SATB2: variants seen among roughly 807,000 people sequenced by gnomAD.
SATB2 encodes the protein DNA-binding protein SATB2.
In SATB2, 1 loss-of-function variant was observed where a neutral mutation model predicts 73.4. The ratio of observed to expected loss-of-function variants is 0.01; its 90% CI spans 0.00 to 0.06. SATB2 has a LOEUF of 0.06. SATB2 is among the 10% of genes least tolerant of loss of function. SATB2 has a pLI of 1.00. For missense variants in SATB2, 459 were observed against 945.8 expected (o/e 0.49, Z 6.75); for synonymous variants, 397 against 367.0 (o/e 1.08, Z -0.93).
intron 9 of SATB2, among the ~76,000 whole-genome samples, chr2:199,309,598 G>A (rs1222090262): frequency 6.6e-6 from 1 of 152,196 alleles, no homozygotes; most frequent in Non-Finnish European, 1.5e-5. Flanking sequence ...ACCTGCAAAT[G>A]TCTGCTTCCA....
At chr2:199,402,435 G>A (rs898309843) in intron 3 of SATB2, among the ~76,000 whole-genome samples, 1 of 152,074 alleles carries the variant, frequency 6.6e-6, no homozygotes, top group South Asian at 2.1e-4. Flanking sequence ...GCAGGTACCT[G>A]TAGTCTCAGC....
chr2:199,323,131 A>C (rs1687934957), intron 9 of SATB2, among the ~76,000 whole-genome samples: 1 of 152,160 alleles, frequency 6.6e-6, no homozygotes, highest in African/African-American at 2.4e-5. Flanking sequence ...TGCTGCTTTC[A>C]GAAATAAAAA....
At chr2:199,289,665 AAAAC>A (rs1199316655) in intron 10 of SATB2, among the ~76,000 whole-genome samples, 1 of 152,188 alleles carries the variant, frequency 6.6e-6, no homozygotes, top group African/African-American at 2.4e-5. Flanking sequence ...AACTCAGTAC[AAAAC>A]AAACATACTT....
chr2:199,346,766 A>T (rs1219228303), intron 7 of SATB2: 1 of 151,978 alleles, frequency 6.6e-6, no homozygotes, highest in South Asian at 2.1e-4. Flanking sequence ...ATAACATTTC[A>T]CTTAGGTGCA....
At chr2:199,403,244 A>G (rs1690534196) in intron 3 of SATB2, among the ~76,000 whole-genome samples, 1 of 152,212 alleles carries the variant, frequency 6.6e-6, no homozygotes, top group Non-Finnish European at 1.5e-5. Flanking sequence ...ACAATCAGCC[A>G]TTACAAAAGG....
intron 5 of SATB2, among the ~76,000 whole-genome samples, chr2:199,369,975 G>A (rs1202675639): frequency 6.6e-6 from 1 of 152,088 alleles, no homozygotes. Flanking sequence ...AAGATAGTAA[G>A]GATAACTCTT....
At chr2:199,356,710 A>T (rs1443044452) in intron 6 of SATB2, among the ~76,000 whole-genome samples, 1 of 152,184 alleles carries the variant, frequency 6.6e-6, no homozygotes, top group Non-Finnish European at 1.5e-5. Flanking sequence ...ACTCAAAGTC[A>T]AGTTCTAAAG....
intron 10 of SATB2, among the ~76,000 whole-genome samples, chr2:199,273,106 T>C (rs1193397792): frequency 6.6e-6 from 1 of 152,202 alleles, no homozygotes; most frequent in Non-Finnish European, 1.5e-5. Flanking sequence ...GGCAAATCAC[T>C]TAATATCTTT....
chr2:199,408,602 T>C (rs1195460621), intron 3 of SATB2, among the ~76,000 whole-genome samples: 2 of 151,740 alleles, frequency 1.3e-5, no homozygotes, highest in Non-Finnish European at 2.9e-5. Context: ...CAATTACTTT[T>C]GCAACAACTT....
chr2:199,461,423 T>C (rs1310485544), upstream of SATB2, among the ~76,000 whole-genome samples: 1 of 152,246 alleles, frequency 6.6e-6, no homozygotes, highest in Non-Finnish European at 1.5e-5. Flanking sequence ...GATTCAAGAA[T>C]ATTTGTTTGG....
chr2:199,296,033 A>G (rs558025887), intron 10 of SATB2, among the ~76,000 whole-genome samples: 2 of 152,320 alleles, frequency 1.3e-5, no homozygotes, highest in East Asian at 3.9e-4. Context: ...AGATTTCCAC[A>G]CTAAACAGAA....
At chr2:199,431,150 G>A (rs1400273837) in intron 3 of SATB2, among the ~76,000 whole-genome samples, 1 of 152,148 alleles carries the variant, frequency 6.6e-6, no homozygotes, top group African/African-American at 2.4e-5. Flanking sequence ...CATGCCTTCA[G>A]TCATCAAAAG....
intron 5 of SATB2, among the ~76,000 whole-genome samples, chr2:199,372,625 C>T (rs1045596865): frequency 6.6e-6 from 1 of 151,932 alleles, no homozygotes; most frequent in Non-Finnish European, 1.5e-5. Context: ...GTTAGTGGAC[C>T]AGTATTTCAT....
At chr2:199,289,706 C>T (rs958386482) in intron 10 of SATB2, among the ~76,000 whole-genome samples, 6 of 152,136 alleles carry the variant, frequency 3.9e-5, no homozygotes, top group African/African-American at 1.4e-4. Context: ...GGGAATTAAT[C>T]GTTAACGCTC....
intron 3 of SATB2, among the ~76,000 whole-genome samples, chr2:199,391,608 T>G (rs1286515289): frequency 1.3e-5 from 2 of 152,170 alleles, no homozygotes; most frequent in Non-Finnish European, 2.9e-5. Flanking sequence ...TTACATTTTT[T>G]GGAAATGTCA....
Position 199,381,682 on chromosome 2 carries a change from A to C in SATB2, c.473+12T>G. Reference sequence around the variant, plus strand: ...TGACAGTAAGGAAAAGCAGATGTTCAGAAACACCCACCTTTGTAATTGGAT... The same window carrying C: ...TGACAGTAAGGAAAAGCAGATGTTCCGAAACACCCACCTTTGTAATTGGAT... On this transcript the variant is annotated intron_variant, in intron 4 of 10. Transcript: ENST00000417098. 1 of 1,614,002 alleles carries C rather than the reference A, an allele frequency of 6.2e-7. No individual in the cohort carries two copies. The highest frequency in any genetic ancestry group is 8.5e-7 in the Non-Finnish European group (1 of 1,179,898).
At chr2:199,339,411 C>G (rs1266898153) in intron 7 of SATB2, among the ~76,000 whole-genome samples, 1 of 152,084 alleles carries the variant, frequency 6.6e-6, no homozygotes, top group Middle Eastern at 3.2e-3. Context: ...ATGAAGCAAC[C>G]AGGGCCATCT....
intron 3 of SATB2, among the ~76,000 whole-genome samples, chr2:199,421,677 G>A (rs1178816094): frequency 6.6e-6 from 1 of 152,156 alleles, no homozygotes; most frequent in Non-Finnish European, 1.5e-5. Flanking sequence ...CAAAATGTGG[G>A]TAAGAACAAG....
chr2:199,469,829 C>T (rs1692669785), upstream of SATB2: 1 of 152,406 alleles, frequency 6.6e-6, no homozygotes, highest in Non-Finnish European at 1.5e-5. Flanking sequence ...TGACACTGGG[C>T]TTAGTCGATG....
Sources: gnomAD v4.1 joint callset for allele counts (sites outside exome capture counted in the v4.1 genomes callset) on GRCh38, gnomAD v4.1.1 for gene constraint, MANE v1.5 for transcripts, NCBI Gene and HGNC (gene_info 2026-07-23, HGNC 2026-07-21) for gene names.